KIAA1328: variants seen among roughly 807,000 people sequenced by gnomAD.
KIAA1328 encodes protein hinderin.
In KIAA1328, 52 loss-of-function variants were observed where a neutral mutation model predicts 68.1. The observed-to-expected ratio is 0.76, with a 90% CI of 0.61 to 0.96. The LOEUF is 0.96. KIAA1328 is among the 40% of genes least tolerant of loss of function. The pLI is 0.00. For synonymous variants in KIAA1328, 232 were observed against 239.4 expected, an observed-to-expected ratio of 0.97 and a Z score of 0.28; for missense variants, 641 against 677.6, an observed-to-expected ratio of 0.95 and a Z score of 0.60.
chr18:37,198,098 A>G (rs1189792705), intron 9 of KIAA1328, among the ~76,000 whole-genome samples: 1 of 152,156 alleles, frequency 6.6e-6, no homozygotes, highest in African/African-American at 2.4e-5. Context: ...GCCATATAGT[A>G]TATGATTTTA....
At chr18:37,216,037 C>G (rs2060424906) in intron 9 of KIAA1328, among the ~76,000 whole-genome samples, 1 of 152,038 alleles carries the variant, frequency 6.6e-6, no homozygotes, top group African/African-American at 2.4e-5. Context: ...ACTCTTCTCC[C>G]TTTTCTTCCT....
At chr18:36,911,914 G>A (rs1221975481) in intron 5 of KIAA1328, among the ~76,000 whole-genome samples, 3 of 151,996 alleles carry the variant, frequency 2.0e-5, no homozygotes, top group Non-Finnish European at 4.4e-5. Context: ...AATTATTACT[G>A]TTACTGTTAA....
chr18:36,865,553 C>T (rs2047721096), intron 4 of KIAA1328, among the ~76,000 whole-genome samples: 1 of 152,170 alleles, frequency 6.6e-6, no homozygotes, highest in Admixed American at 6.5e-5. Flanking sequence ...TTCCTGTTAG[C>T]TTTAATATAT....
intron 4 of KIAA1328, among the ~76,000 whole-genome samples, chr18:36,853,628 C>A (rs1278553700): frequency 6.6e-6 from 1 of 151,980 alleles, no homozygotes; most frequent in African/African-American, 2.4e-5. Flanking sequence ...TCATTAGTTA[C>A]ATTTTTATAC....
chr18:37,178,727 AATC>A (rs1301462934), intron 9 of KIAA1328, among the ~76,000 whole-genome samples: 1 of 152,176 alleles, frequency 6.6e-6, no homozygotes, highest in Non-Finnish European at 1.5e-5. Flanking sequence ...TTCTTTCTCC[AATC>A]ATTGCCAACA....
chr18:37,102,463 A>G (rs1202244595), intron 7 of KIAA1328, among the ~76,000 whole-genome samples: 2 of 152,244 alleles, frequency 1.3e-5, no homozygotes, highest in African/African-American at 2.4e-5. Context: ...TATCACATCA[A>G]CAAAACAACG....
At chr18:37,083,969 T>G (rs569119514) in intron 7 of KIAA1328, among the ~76,000 whole-genome samples, 8 of 152,342 alleles carry the variant, frequency 5.3e-5, no homozygotes, top group African/African-American at 1.9e-4. Context: ...TTGTGTTTGT[T>G]TATGTATATT....
chr18:37,074,698 AT>A (rs970770828), intron 7 of KIAA1328: 14 of 154,300 alleles, frequency 9.1e-5, no homozygotes, highest in Non-Finnish European at 1.6e-4. Context: ...ATTCATCTAA[AT>A]TTTTTTCAAA....
intron 6 of KIAA1328, among the ~76,000 whole-genome samples, chr18:36,990,823 A>T (rs1213589006): frequency 2.0e-5 from 3 of 152,106 alleles, no homozygotes; most frequent in African/African-American, 7.2e-5. Flanking sequence ...CAAAGAGTAT[A>T]AAAAAATGTT....
chr18:37,126,990 A>C (rs2058408102), intron 7 of KIAA1328, among the ~76,000 whole-genome samples: 1 of 152,206 alleles, frequency 6.6e-6, no homozygotes, highest in African/African-American at 2.4e-5. Context: ...TTGTGGTAAA[A>C]GACTTCACCG....
At chr18:37,086,674 A>G (rs985293585) in intron 7 of KIAA1328, among the ~76,000 whole-genome samples, 8 of 152,100 alleles carry the variant, frequency 5.3e-5, no homozygotes, top group African/African-American at 1.9e-4. Context: ...TGTTTAATTT[A>G]TAGTTTAGCT....
chr18:37,207,367 A>G (rs1337405164), intron 9 of KIAA1328, among the ~76,000 whole-genome samples: 1 of 152,196 alleles, frequency 6.6e-6, no homozygotes, highest in Non-Finnish European at 1.5e-5. Flanking sequence ...TATTTACAAC[A>G]TGACATCCCA....
At chr18:37,192,145 T>TTGTGTGTGTGTGTGTGTGTG in intron 9 of KIAA1328, among the ~76,000 whole-genome samples, 1 of 144,640 alleles carries the variant, frequency 6.9e-6, no homozygotes, top group Non-Finnish European at 1.5e-5. Flanking sequence ...AGTCAAGAAA[T>TTGTGTGTGTGTGTGTGTGTG]TGTGTGTGTG....
downstream of KIAA1328, among the ~76,000 whole-genome samples, chr18:37,227,308 A>G (rs1404131405): frequency 2.0e-5 from 3 of 152,232 alleles, no homozygotes; most frequent in Admixed American, 1.3e-4. Flanking sequence ...AGGATCATTG[A>G]TGAAGGTAGC....
At chr18:36,855,406 A>G (rs997098424) in intron 4 of KIAA1328, among the ~76,000 whole-genome samples, 1 of 152,074 alleles carries the variant, frequency 6.6e-6, no homozygotes, top group East Asian at 1.9e-4. Flanking sequence ...ATGACTGTTT[A>G]TGTTGAGGGT....
At chr18:36,851,081 G>T (rs373369836) in intron 4 of KIAA1328, among the ~76,000 whole-genome samples, 46 of 151,478 alleles carry the variant, frequency 3.0e-4, no homozygotes, top group South Asian at 6.3e-4. Flanking sequence ...TGTTTTTGTG[G>T]TTTTTTTTCT....
chr18:36,903,185 T>G (rs2049098961), intron 5 of KIAA1328, among the ~76,000 whole-genome samples: 1 of 152,148 alleles, frequency 6.6e-6, no homozygotes, highest in Non-Finnish European at 1.5e-5. Context: ...ATGTTTTTCA[T>G]TTAATCATCA....
At chr18:36,930,079 A>G (rs529282190) in intron 5 of KIAA1328, among the ~76,000 whole-genome samples, 1 of 152,166 alleles carries the variant, frequency 6.6e-6, no homozygotes, top group African/African-American at 2.4e-5. Context: ...ACTGGTAGAG[A>G]CCTGTGAGAA....
At chr18:36,936,268 C>T (rs372830943) in intron 5 of KIAA1328, among the ~76,000 whole-genome samples, 5 of 152,048 alleles carry the variant, frequency 3.3e-5, no homozygotes, top group Non-Finnish European at 4.4e-5. Flanking sequence ...CTCTAAGTTC[C>T]CTCCCTTCAC....
Sources: allele counts gnomAD v4.1 joint callset (sites outside exome capture counted in the v4.1 genomes callset), GRCh38; gene constraint gnomAD v4.1.1; transcripts MANE v1.5; gene names NCBI Gene and HGNC (gene_info 2026-07-23, HGNC 2026-07-21).